Variants in WWOX observed in about 807,000 individuals in gnomAD.
WWOX encodes WW domain containing oxidoreductase.
A neutral mutation model predicts 46.2 loss-of-function variants in WWOX; 69 were observed. The ratio of observed to expected loss-of-function variants is 1.49; its 90% confidence interval spans 1.23 to 1.82. The LOEUF is 1.82. WWOX is among the 40% of genes most tolerant of loss of function. The probability of loss-of-function intolerance (pLI) is 0.00; values close to 1 mark genes in which losing one functional copy is unlikely to be tolerated. For missense variants in WWOX, 919 were observed against 542.6 expected, an observed-to-expected ratio of 1.69 and a Z score of -6.89; for synonymous variants, 359 against 202.6, an observed-to-expected ratio of 1.77 and a Z score of -6.56.
At chr16:78,920,690 A>G (rs1281914533) in intron 8 of WWOX, among the ~76,000 whole-genome samples, 1 of 152,182 alleles carries the variant, frequency 6.6e-6, no homozygotes, top group Non-Finnish European at 1.5e-5. Flanking sequence ...CAGAGAAAGT[A>G]AAGAGTGATG....
chr16:78,402,564 AC>A (rs1385975997), intron 6 of WWOX, among the ~76,000 whole-genome samples: 1 of 151,722 alleles, frequency 6.6e-6, no homozygotes, highest in Non-Finnish European at 1.5e-5. Flanking sequence ...CTCAACACCA[AC>A]CCCCTTTCTG....
At chr16:78,362,819 C>T (rs1490376685) in intron 5 of WWOX, among the ~76,000 whole-genome samples, 1 of 152,134 alleles carries the variant, frequency 6.6e-6, no homozygotes, top group African/African-American at 2.4e-5. Flanking sequence ...ATCTCACAAT[C>T]TTATGAAGGA....
rs530224010 is a variant in WWOX at position 78,502,624 on chromosome 16, A to G, written c.1056+69872A>G. ...TGTGTCTATTATGAATAATGCTGCC[A>G]TGAGCATCTGTGTTGTCCACAAGTT... On this transcript the variant is annotated intron_variant, in intron 8 of 8. Transcript: ENST00000566780. Among the ~76,000 whole-genome samples the G allele has an allele frequency of 3.9e-5, 6 of 152,318 alleles. 1 individual carries two copies. The highest frequency in any genetic ancestry group is 2.6e-4 in the Admixed American group (4 of 15,304).
chr16:78,173,114 G>T (rs1401664806), intron 5 of WWOX, among the ~76,000 whole-genome samples: 1 of 152,186 alleles, frequency 6.6e-6, no homozygotes, highest in South Asian at 2.1e-4. Context: ...CACGCCCTGC[G>T]ATAGGTTAAG....
At chr16:79,045,506 C>T (rs2048047609) in intron 8 of WWOX, among the ~76,000 whole-genome samples, 1 of 152,162 alleles carries the variant, frequency 6.6e-6, no homozygotes, top group Non-Finnish European at 1.5e-5. Flanking sequence ...TTGTTAGTTT[C>T]CCTTACTTGG....
intron 5 of WWOX, among the ~76,000 whole-genome samples, chr16:78,385,506 G>A (rs2082043381): frequency 6.6e-6 from 1 of 152,100 alleles, no homozygotes; most frequent in South Asian, 2.1e-4. Context: ...GTGTTAAATG[G>A]TCCAGAATGA....
chr16:79,022,677 G>C (rs1351526874), intron 8 of WWOX, among the ~76,000 whole-genome samples: 1 of 152,152 alleles, frequency 6.6e-6, no homozygotes, highest in Non-Finnish European at 1.5e-5. Context: ...TATGCCAAAT[G>C]ATATGCACTG....
intron 8 of WWOX, among the ~76,000 whole-genome samples, chr16:79,083,084 G>C (rs2048789957): frequency 1.3e-5 from 2 of 152,136 alleles, no homozygotes; most frequent in East Asian, 3.8e-4. Context: ...ATCTAGACAA[G>C]ATAATGAATG....
intron 8 of WWOX, among the ~76,000 whole-genome samples, chr16:78,770,926 A>G (rs1045739370): frequency 7.2e-5 from 11 of 152,242 alleles, no homozygotes; most frequent in Non-Finnish European, 1.6e-4. Flanking sequence ...AAGAATTATT[A>G]TGTGTGCTGT....
chr16:78,665,675 A>G (rs2047313679), intron 8 of WWOX, among the ~76,000 whole-genome samples: 1 of 152,086 alleles, frequency 6.6e-6, no homozygotes, highest in South Asian at 2.1e-4. Context: ...ACACACATGG[A>G]AACATTAATT....
At chr16:78,375,996 G>T (rs919595937) in intron 5 of WWOX, among the ~76,000 whole-genome samples, 2 of 151,860 alleles carry the variant, frequency 1.3e-5, no homozygotes, top group African/African-American at 4.8e-5. Context: ...GACTACCAGC[G>T]CATGTCACCA....
At chr16:78,927,962 C>G (rs1160408102) in intron 8 of WWOX, among the ~76,000 whole-genome samples, 1 of 151,838 alleles carries the variant, frequency 6.6e-6, no homozygotes, top group Admixed American at 6.6e-5. Flanking sequence ...ACTGAATAAA[C>G]AATCTCAGGG....
intron 8 of WWOX, among the ~76,000 whole-genome samples, chr16:79,103,128 T>C (rs1486751887): frequency 1.3e-5 from 2 of 152,216 alleles, no homozygotes; most frequent in Non-Finnish European, 2.9e-5. Context: ...GGCATATTTG[T>C]TGATCTCTGC....
At chr16:78,112,240 C>T (rs1402492689) in intron 3 of WWOX, among the ~76,000 whole-genome samples, 8 of 152,154 alleles carry the variant, frequency 5.3e-5, no homozygotes, top group Admixed American at 3.9e-4. Flanking sequence ...ATTTTTCTAG[C>T]ATTTTCACTG....
intron 8 of WWOX, among the ~76,000 whole-genome samples, chr16:78,436,445 A>T (rs1486153624): frequency 2.0e-5 from 3 of 152,152 alleles, no homozygotes; most frequent in African/African-American, 7.2e-5. Context: ...ATATGTCACA[A>T]ATGGACTTTA....
chr16:78,723,160 C>T (rs28484699), intron 8 of WWOX, among the ~76,000 whole-genome samples: 300 of 152,282 alleles, frequency 2.0e-3, no homozygotes, highest in African/African-American at 7.0e-3. Flanking sequence ...CGCTTGTGTT[C>T]GTTAATAGAA....
At chr16:78,645,708 G>A (rs555994401) in intron 8 of WWOX, among the ~76,000 whole-genome samples, 3 of 152,196 alleles carry the variant, frequency 2.0e-5, no homozygotes, top group South Asian at 2.1e-4. Context: ...ATCCACCCCC[G>A]TAACCTAGAC....
intron 1 of WWOX, among the ~76,000 whole-genome samples, chr16:78,102,528 C>G (rs544001451): frequency 1.3e-5 from 2 of 152,188 alleles, no homozygotes; most frequent in Non-Finnish European, 2.9e-5. Flanking sequence ...TTTGCAGGGA[C>G]GGAGGCAAGC....
chr16:78,661,228 C>T (rs564114031), intron 8 of WWOX, among the ~76,000 whole-genome samples: 2 of 152,178 alleles, frequency 1.3e-5, no homozygotes, highest in East Asian at 1.9e-4. Context: ...ATGCCTGTGG[C>T]CCCCCAGAAA....
Sources: allele counts gnomAD v4.1 joint callset (sites outside exome capture counted in the v4.1 genomes callset), GRCh38; gene constraint gnomAD v4.1.1; transcripts MANE v1.5; gene names NCBI Gene and HGNC (gene_info 2026-07-23, HGNC 2026-07-21).